Variants in MBOAT2 observed in about 807,000 individuals in gnomAD.
The protein encoded by MBOAT2 is membrane-bound glycerophospholipid O-acyltransferase 2.
A neutral mutation model predicts 63.4 loss-of-function variants in MBOAT2; 28 were observed. That is an observed-to-expected ratio of 0.44 (90% CI 0.33 to 0.61). The LOEUF (loss-of-function observed/expected upper bound fraction) is 0.61, where lower values mean the gene tolerates loss of function less well. MBOAT2 is among the 20% of genes least tolerant of loss of function. MBOAT2 has a pLI of 0.03. For missense variants in MBOAT2, 470 were observed against 605.8 expected, an observed-to-expected ratio of 0.78 and a Z score of 2.35; for synonymous variants, 211 against 215.6, an observed-to-expected ratio of 0.98 and a Z score of 0.19.
chr2:8,908,372 TA>T (rs566075858), intron 4 of MBOAT2: 433 of 351,042 alleles, frequency 1.2e-3, no homozygotes, highest in African/African-American at 8.5e-3. Context: ...CAGACTGACC[TA>T]GCCCAAGGAC....
At chr2:8,910,523 G>C (rs1226920462) in intron 3 of MBOAT2, among the ~76,000 whole-genome samples, 1 of 152,156 alleles carries the variant, frequency 6.6e-6, no homozygotes, top group Non-Finnish European at 1.5e-5. Context: ...ACAGAAACTG[G>C]TAACTGAAAA....
chr2:8,959,555 G>A (rs1407436563), intron 1 of MBOAT2, among the ~76,000 whole-genome samples: 2 of 151,270 alleles, frequency 1.3e-5, no homozygotes, highest in African/African-American at 2.4e-5. Flanking sequence ...TCTACCTCCC[G>A]GGCTCGGGCA....
chr2:8,961,817 C>T (rs1669623853), intron 1 of MBOAT2, among the ~76,000 whole-genome samples: 1 of 152,226 alleles, frequency 6.6e-6, no homozygotes, highest in African/African-American at 2.4e-5. Context: ...TCATCTGCAG[C>T]ACACTTGATA....
At chr2:8,860,579 T>C (rs192678717) in intron 12 of MBOAT2, 34 bp downstream of exon 12, 18 of 1,599,758 alleles carry the variant, frequency 1.1e-5, no homozygotes, top group Admixed American at 5.2e-5. Flanking sequence ...AATAGAGTTA[T>C]TCCCACTGAC....
rs368732966 is a variant in MBOAT2, at chr2:8,899,808, C to T, written c.395+8813G>A. On this transcript the variant is annotated intron_variant, in intron 4 of 12. Transcript: ENST00000305997. ...TGTCTGAGGGCCATGACTAAGGCTG[C>T]GGCCTTTCTCTGATCTCGCTTTTCC... Among the ~76,000 whole-genome samples the T allele has an allele frequency of 1.3e-4, 19 of 148,838 alleles. No individual in the cohort carries two copies. In the East Asian group the frequency reaches 3.3e-3, roughly 26 times the overall value.
intron 3 of MBOAT2, among the ~76,000 whole-genome samples, chr2:8,933,625 G>C (rs1038212402): frequency 1.3e-5 from 2 of 152,150 alleles, no homozygotes; most frequent in South Asian, 4.1e-4. Context: ...TTACAGGCAT[G>C]AGCCACCACG....
Position 8,868,429 on chromosome 2 carries a change from C to A in MBOAT2, c.987+17G>T. 1 of 1,605,100 alleles carries A rather than the reference C, an allele frequency of 6.2e-7. No individual in the cohort carries two copies. The highest frequency in any genetic ancestry group is 8.5e-7 in the Non-Finnish European group (1 of 1,172,948). ...ACTTAAAGTATATAGTAACTAACTT[C>A]TTAAAGATTGACTCACCTCTATTTG... On this transcript the variant is annotated intron_variant, in intron 9 of 12. Transcript: ENST00000305997.
rs1223456314 is a variant in MBOAT2 at position 8,857,029 on chromosome 2, G to T, written c.*1650C>A. 4.6e-5 allele frequency: 7 copies of T among 152,480 alleles called. No individual in the cohort carries two copies. The highest frequency in any genetic ancestry group is 7.4e-5 in the Non-Finnish European group (5 of 68,012). 9.4% of individuals were successfully genotyped at this position (152,480 alleles called of 1,614,324 possible). A position where few individuals can be genotyped will look rare whatever the true frequency, so the allele number is the denominator to read the frequency against. Reference sequence around the variant, plus strand: ...GCCCATTTTTGCTGAGACCTCAAAAGCTGCAAGTGCATTTGCTTTTCCTTT... The same window carrying T: ...GCCCATTTTTGCTGAGACCTCAAAATCTGCAAGTGCATTTGCTTTTCCTTT... On this transcript the variant is annotated 3_prime_UTR_variant, in exon 13 of 13. Transcript: ENST00000305997.
intron 3 of MBOAT2, 86 bp downstream of exon 3, chr2:8,943,101 T>C (rs1222691901): frequency 9.8e-6 from 7 of 711,428 alleles, no homozygotes; most frequent in Non-Finnish European, 2.1e-6. Context: ...TCATAATTAC[T>C]TTTAATGTAA....
chr2:8,943,274 GTA>G lies in MBOAT2; in HGVS notation c.222-12_222-11del. 6.6e-7 allele frequency: 1 copy of G among 1,521,634 alleles called. No individual in the cohort carries two copies. Among genetic ancestry groups the G allele is most frequent in the East Asian group, 2.3e-5 (1 of 43,602 alleles). 94.3% of individuals were successfully genotyped at this position (1,521,634 alleles called of 1,614,324 possible). On this transcript the variant is annotated splice_polypyrimidine_tract_variant and intron_variant, in intron 2 of 12. Transcript: ENST00000305997. ...AAAGTGTAAGGCATACCTATAAAAA[GTA>G]AGAGCACTATTAGAAGAGGGATGCC... is the stretch of plus-strand genomic sequence containing the variant.
At chr2:8,947,106 G>C (rs979265861) in intron 2 of MBOAT2, among the ~76,000 whole-genome samples, 2 of 152,188 alleles carry the variant, frequency 1.3e-5, no homozygotes, top group Admixed American at 6.5e-5. Flanking sequence ...CACACAAATG[G>C]TAAGAAAGCA....
chr2:8,925,273 T>C (rs1372016638), intron 3 of MBOAT2, among the ~76,000 whole-genome samples: 9 of 152,332 alleles, frequency 5.9e-5, no homozygotes, highest in Middle Eastern at 3.4e-3. Flanking sequence ...TCTCCCCACC[T>C]GCCTGCACAC....
intron 9 of MBOAT2, among the ~76,000 whole-genome samples, chr2:8,865,099 C>T (rs1424392752): frequency 6.6e-6 from 1 of 152,194 alleles, no homozygotes; most frequent in Non-Finnish European, 1.5e-5. Flanking sequence ...GGTTCTCCAC[C>T]ACGACTGAGC....
chr2:8,951,214 T>C (rs536347174), intron 2 of MBOAT2, among the ~76,000 whole-genome samples: 1 of 151,920 alleles, frequency 6.6e-6, no homozygotes, highest in East Asian at 1.9e-4. Context: ...CAGCTTTTTT[T>C]TTTTTTTTGA....
chr2:8,860,892 G>C, intron 11 of MBOAT2, 128 bp from the exon 12 acceptor site: 1 of 710,766 alleles, frequency 1.4e-6, no homozygotes, highest in Non-Finnish European at 2.3e-6. Context: ...GTTGCTAGTG[G>C]GAATGTACAC....
At chr2:8,878,890 A>C (rs996470307) in intron 6 of MBOAT2, among the ~76,000 whole-genome samples, 52 of 151,668 alleles carry the variant, frequency 3.4e-4, no homozygotes, top group Non-Finnish European at 6.0e-4. Flanking sequence ...TCCCAGCTAA[A>C]ACGGTGAAAC....
chr2:8,984,663 A>G (rs555345641), intron 1 of MBOAT2, among the ~76,000 whole-genome samples: 256 of 152,276 alleles, frequency 1.7e-3, no homozygotes, highest in African/African-American at 5.7e-3. Flanking sequence ...ATAAAGAACT[A>G]GGGGGGAGGG....
At chr2:8,916,694 C>T (rs919943170) in intron 3 of MBOAT2, among the ~76,000 whole-genome samples, 6 of 152,198 alleles carry the variant, frequency 3.9e-5, no homozygotes, top group South Asian at 2.1e-4. Context: ...TCAAATTAAA[C>T]GGTTTACTCC....
chr2:8,873,706 A>G (rs1662510227), intron 7 of MBOAT2, among the ~76,000 whole-genome samples: 1 of 152,208 alleles, frequency 6.6e-6, no homozygotes, highest in Non-Finnish European at 1.5e-5. Context: ...TATTTTCCAA[A>G]TTCTAGGCAT....
Sources: gnomAD v4.1 joint callset for allele counts (sites outside exome capture counted in the v4.1 genomes callset) on GRCh38, gnomAD v4.1.1 for gene constraint, MANE v1.5 for transcripts, NCBI Gene and HGNC (gene_info 2026-07-23, HGNC 2026-07-21) for gene names.